Variants in SPTLC2 observed in about 807,000 individuals in gnomAD.
SPTLC2 encodes serine palmitoyltransferase long chain base subunit 2.
SPTLC2 carries 21 observed loss-of-function variants against 62.0 expected under a neutral mutation model. The observed-to-expected ratio is 0.34, with a 90% CI of 0.24 to 0.49. SPTLC2 has a LOEUF of 0.49. Ranked by LOEUF, SPTLC2 falls within the 20% of genes least tolerant of loss-of-function variation. The probability of loss-of-function intolerance (pLI) is 0.99; values close to 1 mark genes in which losing one functional copy is unlikely to be tolerated. For missense variants in SPTLC2, 511 were observed against 713.0 expected, an observed-to-expected ratio of 0.72 and a Z score of 3.23; for synonymous variants, 261 against 261.8, an observed-to-expected ratio of 1.00 and a Z score of 0.03.
At chr14:77,571,196 T>A (rs1337065187) in intron 4 of SPTLC2, among the ~76,000 whole-genome samples, 1 of 152,196 alleles carries the variant, frequency 6.6e-6, no homozygotes, top group African/African-American at 2.4e-5. Context: ...TGGTTTGTTA[T>A]ACAGCAAAAG....
intron 9 of SPTLC2, among the ~76,000 whole-genome samples, chr14:77,534,667 T>C (rs1031410977): frequency 1.3e-5 from 2 of 148,324 alleles, no homozygotes; most frequent in African/African-American, 5.0e-5. Flanking sequence ...AAAAAATTGA[T>C]TTCACCAAAG....
intron 2 of SPTLC2, among the ~76,000 whole-genome samples, chr14:77,582,372 T>C (rs4145508): frequency 0.98 from 149,979 of 152,318 alleles, 73,886 homozygotes; most frequent in Middle Eastern, 1. Flanking sequence ...TTCTTTATAA[T>C]CTTTCTAAAC....
chr14:77,524,218 T>C (rs2079398249), intron 9 of SPTLC2, among the ~76,000 whole-genome samples: 1 of 152,094 alleles, frequency 6.6e-6, no homozygotes, highest in Non-Finnish European at 1.5e-5. Context: ...TAAAAAGACA[T>C]ACTGTAATGA....
At chr14:77,539,297 G>C (rs2079486656) in intron 9 of SPTLC2, among the ~76,000 whole-genome samples, 1 of 151,730 alleles carries the variant, frequency 6.6e-6, no homozygotes, top group Admixed American at 6.6e-5. Context: ...TGAGGAAAAA[G>C]AGAAAAGGCA....
chr14:77,534,153 GTCTC>G (rs1245910780), intron 9 of SPTLC2, among the ~76,000 whole-genome samples: 19 of 128,560 alleles, frequency 1.5e-4, no homozygotes, highest in Admixed American at 8.2e-4. Flanking sequence ...ATGAGACCCT[GTCTC>G]TCTCTCTTTC....
chr14:77,555,062 A>C, intron 8 of SPTLC2: 1 of 536,866 alleles, frequency 1.9e-6, no homozygotes, highest in Non-Finnish European at 3.4e-6. Context: ...AGGGTATTCT[A>C]TATCTCAGAT....
chr14:77,589,607 T>C (rs895175462), intron 2 of SPTLC2, among the ~76,000 whole-genome samples: 9 of 151,814 alleles, frequency 5.9e-5, no homozygotes, highest in African/African-American at 2.2e-4. Context: ...CTGGCCAACA[T>C]GGTGAAACCC....
At chr14:77,591,692 C>CTGTATGTA (rs147430744) in intron 2 of SPTLC2, among the ~76,000 whole-genome samples, 1,322 of 130,440 alleles carry the variant, frequency 0.01, 10 homozygotes, top group African/African-American at 0.021. Context: ...TAGTGCTCTT[C>CTGTATGTA]TGTATGTATG....
chr14:77,548,939 C>T (rs1265897539), intron 9 of SPTLC2, among the ~76,000 whole-genome samples: 1 of 152,148 alleles, frequency 6.6e-6, no homozygotes, highest in Non-Finnish European at 1.5e-5. Flanking sequence ...CATGTTTAAG[C>T]CTTACTTTCA....
intron 2 of SPTLC2, among the ~76,000 whole-genome samples, chr14:77,588,090 C>T (rs1186258721): frequency 6.6e-6 from 1 of 152,024 alleles, no homozygotes; most frequent in Admixed American, 6.6e-5. Context: ...AGGTGCACAC[C>T]ACCATGCTTG....
At chr14:77,557,313 C>G (rs2079589837) in intron 6 of SPTLC2, 167 bp from the exon 7 acceptor site, 1 of 626,942 alleles carries the variant, frequency 1.6e-6, no homozygotes. Flanking sequence ...TTATTGCCAC[C>G]TTGAATTGAA....
intron 9 of SPTLC2, among the ~76,000 whole-genome samples, chr14:77,534,216 A>ACACACACG (rs1208421770): frequency 0.012 from 1,706 of 146,560 alleles, 30 homozygotes; most frequent in Middle Eastern, 0.046. Flanking sequence ...ACACACACAC[A>ACACACACG]CACAAATGCA....
chr14:77,513,366 C>A (rs2079342609), intron 11 of SPTLC2, among the ~76,000 whole-genome samples: 1 of 152,040 alleles, frequency 6.6e-6, no homozygotes, highest in African/African-American at 2.4e-5. Flanking sequence ...AGAAAACCAC[C>A]AGTATTACTG....
chr14:77,534,911 C>G (rs2079461223), intron 9 of SPTLC2, among the ~76,000 whole-genome samples: 1 of 151,502 alleles, frequency 6.6e-6, no homozygotes, highest in African/African-American at 2.4e-5. Context: ...CAGGAAAGAC[C>G]TGATGCAGCC....
Position 77,521,530 on chromosome 14 carries a change from C to A in SPTLC2, c.1355G>T (p.Arg452Leu). The stretch of plus-strand genomic sequence containing the variant: ...GATGATGAAGCCCATCTCTTTCAGG[C>A]GTCTCCTGAAATACCTGGTGTTTTC... Reference protein sequence around the residue: ...LAENTRYFRRRLKEMGFIIYG... With the variant: ...LAENTRYFRRLLKEMGFIIYG... Residue 452 changes from arginine (R) to leucine (L), a missense_variant, in exon 10 of 12, where the codon CGC becomes CTC. Transcript: ENST00000216484. 1 of 1,613,570 alleles carries A rather than the reference C, an allele frequency of 6.2e-7. No homozygotes were observed. The highest frequency in any genetic ancestry group is 1.1e-5 in the South Asian group (1 of 91,074).
At chr14:77,586,720 C>T (rs569744801) in intron 2 of SPTLC2, among the ~76,000 whole-genome samples, 1 of 152,222 alleles carries the variant, frequency 6.6e-6, no homozygotes, top group East Asian at 1.9e-4. Context: ...GAAAAATACA[C>T]AAACCCAGTA....
At chr14:77,521,681 T>A in intron 9 of SPTLC2, 100 bp from the exon 10 acceptor site, 1 of 1,128,294 alleles carries the variant, frequency 8.9e-7, no homozygotes, top group Non-Finnish European at 1.3e-6. Flanking sequence ...TAATCAGTTC[T>A]GTTTCGTTTT....
intron 9 of SPTLC2, among the ~76,000 whole-genome samples, chr14:77,529,814 G>C (rs111496474): frequency 0.028 from 4,264 of 151,454 alleles, 219 homozygotes; most frequent in African/African-American, 0.098. Flanking sequence ...GTAGAGATGG[G>C]ACTTCACCAT....
intron 2 of SPTLC2, among the ~76,000 whole-genome samples, chr14:77,587,097 G>A (rs1024153827): frequency 6.6e-6 from 1 of 152,056 alleles, no homozygotes; most frequent in Non-Finnish European, 1.5e-5. Flanking sequence ...GCGTGGTAGC[G>A]GGCGCCTGTA....
Sources: allele counts gnomAD v4.1 joint callset (sites outside exome capture counted in the v4.1 genomes callset), GRCh38; gene constraint gnomAD v4.1.1; transcripts MANE v1.5; gene names NCBI Gene and HGNC (gene_info 2026-07-23, HGNC 2026-07-21).